HERC3: variants seen among roughly 807,000 people sequenced by gnomAD.
HERC3 encodes HECT and RLD domain containing E3 ubiquitin protein ligase 3.
A neutral mutation model predicts 129.9 loss-of-function variants in HERC3; 58 were observed. That is an observed-to-expected ratio of 0.45 (90% CI 0.36 to 0.56). The LOEUF (loss-of-function observed/expected upper bound fraction) is 0.56, where lower values mean the gene tolerates loss of function less well. HERC3 is among the 20% of genes least tolerant of loss of function. HERC3 has a pLI of 0.00. For synonymous variants in HERC3, 430 were observed against 451.0 expected, an observed-to-expected ratio of 0.95 and a Z score of 0.59; for missense variants, 835 against 1,244.2, an observed-to-expected ratio of 0.67 and a Z score of 4.95.
the HERC3 span, among the ~76,000 whole-genome samples, chr4:88,534,588 G>A: frequency 1.1e-4 from 17 of 151,320 alleles, no homozygotes; most frequent in South Asian, 6.3e-4. Context: ...TTCCCCAAAC[G>A]TCTACCATTT....
chr4:88,654,346 TTTCATATATA>T (rs1213631513), intron 7 of HERC3, among the ~76,000 whole-genome samples: 3 of 79,728 alleles, frequency 3.8e-5, no homozygotes, highest in African/African-American at 1.9e-4. Flanking sequence ...CTTGTAGATT[TTTCATATATA>T]TATATATATA....
intron 2 of HERC3, among the ~76,000 whole-genome samples, chr4:88,596,305 G>C (rs925161871): frequency 6.6e-6 from 1 of 152,162 alleles, no homozygotes; most frequent in Non-Finnish European, 1.5e-5. Context: ...GTCCCCTTTA[G>C]ACATTTACTC....
the HERC3 span, among the ~76,000 whole-genome samples, chr4:88,581,606 CTCTT>C: frequency 4.6e-5 from 7 of 151,824 alleles, no homozygotes; most frequent in African/African-American, 1.7e-4. Context: ...GTGCCCGGCC[CTCTT>C]TCTTTCTATT....
chr4:88,689,900 G>A (rs1733894837), intron 23 of HERC3: 9 of 694,352 alleles, frequency 1.3e-5, no homozygotes, highest in Non-Finnish European at 1.6e-5. Flanking sequence ...TTTAACAAAC[G>A]ACTCGAAGCT....
chr4:88,544,849 A>G, the HERC3 span, among the ~76,000 whole-genome samples: 41 of 152,322 alleles, frequency 2.7e-4, no homozygotes, highest in Admixed American at 2.7e-3. Flanking sequence ...AGAATTGAAC[A>G]ATGAGAACAC....
At chr4:88,604,300 T>G (rs1403720175) in intron 2 of HERC3, among the ~76,000 whole-genome samples, 1 of 152,260 alleles carries the variant, frequency 6.6e-6, no homozygotes, top group East Asian at 1.9e-4. Flanking sequence ...ATTACAGGCA[T>G]GAGCCACTAC....
the HERC3 span, among the ~76,000 whole-genome samples, chr4:88,575,706 G>A: frequency 1.3e-5 from 2 of 152,170 alleles, no homozygotes; most frequent in East Asian, 3.8e-4. Context: ...ATCAATTGAT[G>A]CATGAATTTG....
chr4:88,635,056 T>C (rs1727223073), intron 3 of HERC3, among the ~76,000 whole-genome samples: 1 of 151,766 alleles, frequency 6.6e-6, no homozygotes. Context: ...AAAGAATCAA[T>C]GAAAAAAACG....
chr4:88,575,723 G>A, the HERC3 span, among the ~76,000 whole-genome samples: 2 of 152,120 alleles, frequency 1.3e-5, no homozygotes, highest in African/African-American at 4.8e-5. Flanking sequence ...TTTGAAATGG[G>A]AATCTTAGAA....
At chr4:88,575,708 A>G in the HERC3 span, among the ~76,000 whole-genome samples, 1 of 152,232 alleles carries the variant, frequency 6.6e-6, no homozygotes, top group African/African-American at 2.4e-5. Context: ...CAATTGATGC[A>G]TGAATTTGAA....
chr4:88,588,093 T>C (rs920474065), upstream of HERC3, among the ~76,000 whole-genome samples: 8 of 152,258 alleles, frequency 5.3e-5, no homozygotes, highest in Non-Finnish European at 5.9e-5. Context: ...ATGAAAACAA[T>C]GAGTTTCTCA....
chr4:88,672,146 T>C (rs1474789511), intron 16 of HERC3, among the ~76,000 whole-genome samples: 1 of 152,204 alleles, frequency 6.6e-6, no homozygotes, highest in Non-Finnish European at 1.5e-5. Context: ...TTTCTGTGAC[T>C]TGATGCTGAA....
intron 3 of HERC3, among the ~76,000 whole-genome samples, chr4:88,609,758 G>C (rs1299249273): frequency 6.6e-6 from 1 of 152,144 alleles, no homozygotes; most frequent in Non-Finnish European, 1.5e-5. Context: ...AGGGTTCTTG[G>C]CTCTCTCAAG....
chr4:88,523,944 G>A, the HERC3 span: 2 of 489,570 alleles, frequency 4.1e-6, no homozygotes, highest in South Asian at 3.4e-5. Flanking sequence ...TGAGTGCCCC[G>A]CCGCCTTACC....
intron 23 of HERC3, chr4:88,690,507 G>T (rs1733966376): frequency 1.0e-6 from 1 of 985,272 alleles, no homozygotes; most frequent in African/African-American, 1.7e-5. Context: ...AGCTAACAAT[G>T]GGATAGGCAA....
At chr4:88,693,371 A>G in intron 23 of HERC3, 1 of 963,130 alleles carries the variant, frequency 1.0e-6, no homozygotes, top group Non-Finnish European at 1.2e-6. Flanking sequence ...TTGCTAATGA[A>G]TTATACTCCC....
At chr4:88,680,377 G>T in intron 20 of HERC3, 141 bp downstream of exon 20, 1 of 588,704 alleles carries the variant, frequency 1.7e-6, no homozygotes. Flanking sequence ...TAATTAAAAT[G>T]TTTATCCAGT....
At chr4:88,566,076 G>T in the HERC3 span, among the ~76,000 whole-genome samples, 1 of 151,844 alleles carries the variant, frequency 6.6e-6, no homozygotes, top group Non-Finnish European at 1.5e-5. Flanking sequence ...CATCACCCAT[G>T]TATTAAGCCC....
chr4:88,594,459 A>C (rs575768955), intron 1 of HERC3, among the ~76,000 whole-genome samples: 2 of 152,260 alleles, frequency 1.3e-5, no homozygotes, highest in Non-Finnish European at 2.9e-5. Context: ...GCTGGAGTGC[A>C]CTGGTGCGAT....
Sources: allele counts gnomAD v4.1 joint callset (sites outside exome capture counted in the v4.1 genomes callset), GRCh38; gene constraint gnomAD v4.1.1; transcripts MANE v1.5; gene names NCBI Gene and HGNC (gene_info 2026-07-23, HGNC 2026-07-21).